RGS11: variants seen among roughly 807,000 people sequenced by gnomAD.
The protein encoded by RGS11 is regulator of G-protein signaling 11.
In RGS11, 86 loss-of-function variants were observed where a neutral mutation model predicts 71.1. The ratio of observed to expected loss-of-function variants is 1.21; its 90% CI spans 1.02 to 1.45. The LOEUF is 1.45. Among genes scored for constraint, RGS11 ranks in the 40% most tolerant of loss-of-function variants. The pLI is 0.00. For missense variants in RGS11, 734 were observed against 635.1 expected (o/e 1.16, Z -1.67); for synonymous variants, 298 against 254.2 (o/e 1.17, Z -1.64).
In RGS11 at chr16:275,903, G is replaced by A; in HGVS notation, c.9C>T (p.Ala3=). MA[A]GPAPPPGRPR... ...GGCGGCCGGGGGGCGGCGCGGGGCC[G>A]GCGGCCATGGCTGCGGGGCGAGGCC... The change falls in exon 1 of 17, where the codon GCC becomes GCT. Residue 3 remains alanine, a synonymous_variant. Transcript: ENST00000397770. 1 of 842,502 alleles carries A rather than the reference G, an allele frequency of 1.2e-6. No individual in the cohort carries two copies. The highest frequency in any genetic ancestry group is 1.5e-6 in the Non-Finnish European group (1 of 687,170). 52.2% of individuals were successfully genotyped at this position (842,502 alleles called of 1,614,324 possible).
Position 270,837 on chromosome 16 carries a change from G to C in RGS11, c.980-6C>G, listed in dbSNP as rs1414933991. The stretch of plus-strand genomic sequence containing the variant: ...CCAGAAGCTGAGGTTTTCTCCTGGG[G>C]GGCCGGGCACCCAGTCAAGGATCCC... On this transcript the variant is annotated splice_region_variant and splice_polypyrimidine_tract_variant and intron_variant, in intron 13 of 16. Transcript: ENST00000397770. The C allele has an allele frequency of 6.2e-7, 1 of 1,609,256 alleles. No individual in the cohort carries two copies. Among genetic ancestry groups the C allele is most frequent in the African/African-American group, 1.3e-5 (1 of 74,828 alleles).
rs1567235761 is a variant in RGS11, at chr16:270,935, GGCA to G, written c.979+46_979+48del. 1.9e-6 allele frequency: 3 copies of G among 1,569,324 alleles called. No homozygotes were observed. The South Asian group carries it at 3.3e-5, about 18-fold the overall frequency. On this transcript the variant is annotated intron_variant, in intron 13 of 16. Coordinates refer to ENST00000397770, the MANE Select transcript of RGS11 (RefSeq NM_183337.3). ...GGAAACCGAGGCGGGAGGGGTCCCA[GGCA>G]GCAGCCTCCCCGCTGGGACTGGAGC...
In RGS11 at chr16:273,891, T is replaced by C. The variant is rs890774480; in HGVS notation, c.430-55A>G. ...CCCCGGCCCCTGCCCCCAGTGAGAC[T>C]GTGTGGGCAGTTGGGGGGTTGGGGA... is the stretch of plus-strand genomic sequence containing the variant. On this transcript the variant is annotated intron_variant, in intron 6 of 16. Transcript: ENST00000397770. 4.5e-6 allele frequency: 7 copies of C among 1,543,810 alleles called. No individual in the cohort carries two copies. The African/African-American group carries it at 9.5e-5, about 21-fold the overall frequency.
chr16:271,929 T>C, intron 9 of RGS11: 1 of 320,404 alleles, frequency 3.1e-6, no homozygotes, highest in Non-Finnish European at 5.9e-6. Flanking sequence ...CTCCGCCTCC[T>C]GGATTCAAGC....
At chr16:274,603 C>A in intron 4 of RGS11, 1 of 601,608 alleles carries the variant, frequency 1.7e-6, no homozygotes, top group East Asian at 3.1e-5. Flanking sequence ...GGCAGGTCGG[C>A]CCGGGACCCT....
chr16:270,939 G>A (rs755146160), intron 13 of RGS11, 45 bp downstream of exon 13: 8 of 1,568,618 alleles, frequency 5.1e-6, no homozygotes, highest in Admixed American at 1.7e-5. Context: ...GTCCCAGGCA[G>A]CAGCCTCCCC....
At chr16:273,877 G>T (rs749035753) in intron 6 of RGS11, 41 bp from the exon 7 acceptor site, 13 of 1,582,194 alleles carry the variant, frequency 8.2e-6, no homozygotes, top group Non-Finnish European at 1.1e-5. Flanking sequence ...CCCGGCCCCT[G>T]CCCCCAGTGA....
intron 4 of RGS11, 74 bp from the exon 5 acceptor site, chr16:274,339 C>T: frequency 1.3e-6 from 2 of 1,505,776 alleles, no homozygotes; most frequent in Admixed American, 3.9e-5. Flanking sequence ...ACCCTCAGAC[C>T]TCCCTGGGAA....
Position 274,215 on chromosome 16 carries a change from A to G in RGS11, c.369T>C (p.Tyr123=), listed in dbSNP as rs1432859466. ...STLRPAAELD[Y]AIYLAKKNIR... ...GGGGCCAGCCGTCCCCTTGCTCACC[A>G]TAGTCCAGCTCTGCAGCCGGCCTCA... Residue 123 remains tyrosine, a splice_region_variant and synonymous_variant, in exon 5 of 17, where the codon TAT becomes TAC. Coordinates refer to ENST00000397770, the MANE Select transcript of RGS11 (RefSeq NM_183337.3). 2 of 1,610,142 alleles carry G rather than the reference A, an allele frequency of 1.2e-6. No homozygotes were observed. The highest frequency in any genetic ancestry group is 1.7e-5 in the Admixed American group (1 of 59,700).
intron 7 of RGS11, 83 bp from the exon 8 acceptor site, chr16:273,639 G>T (rs1437028339): frequency 1.3e-6 from 2 of 1,495,904 alleles, no homozygotes; most frequent in Non-Finnish European, 1.8e-6. Flanking sequence ...ACCTGGGCAG[G>T]CAGCCACACC....
chr16:274,882 C>T (rs573125463), intron 4 of RGS11, 94 bp downstream of exon 4: 1 of 1,509,792 alleles, frequency 6.6e-7, no homozygotes, highest in Middle Eastern at 1.7e-4. Context: ...CCAATCCCAG[C>T]AAGCTCGGCG....
At chr16:273,423 G>A (rs1262479275) in intron 8 of RGS11, 52 bp downstream of exon 8, 3 of 1,401,212 alleles carry the variant, frequency 2.1e-6, no homozygotes, top group African/African-American at 1.4e-5. Context: ...AGGGAAGCAC[G>A]CTGACCCCTG....
Position 275,887 on chromosome 16 carries a change from G to T in RGS11, c.25C>A (p.Pro9Thr), listed in dbSNP as rs1487305541. The T allele has an allele frequency of 4.3e-6, 4 of 926,704 alleles. No individual in the cohort carries two copies. In the East Asian group the frequency reaches 2.1e-4, roughly 49 times the overall value. 57.4% of individuals were successfully genotyped at this position (926,704 alleles called of 1,614,324 possible). A position where few individuals can be genotyped will look rare whatever the true frequency, so the allele number is the denominator to read the frequency against. MAAGPAPP[P>T]GRPRAQMPHL... ...GGCATCTGCGCCCGGGGGCGGCCGG[G>T]GGGCGGCGCGGGGCCGGCGGCCATG... Residue 9 changes from proline to threonine, a missense_variant, in exon 1 of 17, where the codon CCC (proline) becomes ACC (threonine). By Grantham distance (38) the Pro-to-Thr change is conservative. Transcript: ENST00000397770.
chr16:272,261 C>G, intron 9 of RGS11: 4 of 1,226,628 alleles, frequency 3.3e-6, no homozygotes, highest in Non-Finnish European at 4.2e-6. Flanking sequence ...TCGCTGGGGC[C>G]AGAGCGGAGG....
rs779949702 is a variant in RGS11, at chr16:273,807, G to A, written c.459C>T (p.Ile153=). 5.0e-6 allele frequency: 8 copies of A among 1,613,316 alleles called. No individual in the cohort carries two copies. In the South Asian group the frequency reaches 7.7e-5, roughly 15 times the overall value. The change falls in exon 7 of 17, where the codon ATC becomes ATT. Residue 153 remains isoleucine (I), a synonymous_variant. Coordinates refer to ENST00000397770, the MANE Select transcript of RGS11 (RefSeq NM_183337.3). ...KDCYDRLHKK[I]NHAWDLVLMQ... is the part of the protein sequence containing the mutation. ...TCAGCACCAGGTCCCATGCGTGGTT[G>A]ATCTTCTTGTGTAGCCGGTCATAGC...
chr16:272,620 C>T, intron 9 of RGS11: 1 of 1,458,900 alleles, frequency 6.9e-7, no homozygotes, highest in Non-Finnish European at 9.0e-7. Flanking sequence ...CGCCAGCCCC[C>T]TCGTCCCCAC....
chr16:270,110 G>C (rs948679080), intron 15 of RGS11, among the ~76,000 whole-genome samples: 8 of 152,142 alleles, frequency 5.3e-5, no homozygotes, highest in African/African-American at 1.9e-4. Context: ...TTAGCCGGGC[G>C]TGGTGGCGGG....
In RGS11 at chr16:275,383, C is replaced by T; in HGVS notation, c.160+19G>A. 6.2e-7 allele frequency: 1 copy of T among 1,609,212 alleles called. No individual in the cohort carries two copies. On this transcript the variant is annotated intron_variant, in intron 2 of 16. Coordinates refer to ENST00000397770, the MANE Select transcript of RGS11 (RefSeq NM_183337.3). ...GGGAGGCCGAGGCGCGCACGCACCC[C>T]CGCCCCGGCGCGCCTCACCTGTCAC...
At chr16:273,861 G>A in intron 6 of RGS11, 25 bp from the exon 7 acceptor site, 1 of 1,607,972 alleles carries the variant, frequency 6.2e-7, no homozygotes, top group African/African-American at 1.3e-5. Flanking sequence ...GTTTCCAGTG[G>A]GTCACCCCGG....
Sources: allele counts gnomAD v4.1 joint callset (sites outside exome capture counted in the v4.1 genomes callset), GRCh38; gene constraint gnomAD v4.1.1; transcripts MANE v1.5; gene names NCBI Gene and HGNC (gene_info 2026-07-23, HGNC 2026-07-21).